Variants in SORT1 observed in about 807,000 individuals in gnomAD.
The protein encoded by SORT1 is sortilin 1.
A neutral mutation model predicts 101.7 loss-of-function variants in SORT1; 39 were observed. The observed-to-expected ratio is 0.38, with a 90% CI of 0.30 to 0.50. SORT1 has a LOEUF of 0.50. Ranked by LOEUF, SORT1 falls within the 20% of genes least tolerant of loss-of-function variation. The probability of loss-of-function intolerance (pLI) is 0.90; values close to 1 mark genes in which losing one functional copy is unlikely to be tolerated. For missense variants in SORT1, 878 were observed against 1,040.4 expected (o/e 0.84, Z 2.15); for synonymous variants, 396 against 393.7 (o/e 1.01, Z -0.07).
chr1:109,351,594 G>C (rs748217846), intron 5 of SORT1, among the ~76,000 whole-genome samples: 19 of 152,204 alleles, frequency 1.2e-4, no homozygotes, highest in Non-Finnish European at 2.6e-4. Flanking sequence ...CAAATTCCAA[G>C]GTAAGCAAAT....
At chr1:109,378,319 T>A (rs1301457200) in intron 1 of SORT1, among the ~76,000 whole-genome samples, 1 of 151,600 alleles carries the variant, frequency 6.6e-6, no homozygotes, top group African/African-American at 2.4e-5. Flanking sequence ...ATAAAAATAG[T>A]GAAAAGGAAA....
chr1:109,316,920 AC>A lies in SORT1; in HGVS notation c.2179del (p.Val727Ter). 1 of 1,611,120 alleles carries A rather than the reference AC, an allele frequency of 6.2e-7. No homozygotes were observed. The highest frequency in any genetic ancestry group is 1.1e-5 in the South Asian group (1 of 90,406). On this transcript the variant is annotated frameshift_variant, in exon 17 of 20. Transcript: ENST00000256637. LOFTEE classifies it high-confidence loss of function. ...KIPGDKCQGG[V>X]NPVREVKDLK... ...GTCTTTTACTTCTCGAACTGGATTT[AC>A]CCCACCCTGGCATTTGTCCCCTGGA...
chr1:109,330,003 T>C (rs1034761094), intron 11 of SORT1, among the ~76,000 whole-genome samples: 3 of 152,058 alleles, frequency 2.0e-5, no homozygotes, highest in African/African-American at 7.2e-5. Flanking sequence ...ACCTCAAGTA[T>C]CCTTTCTTTT....
At chr1:109,317,421 A>G (rs959815501) in intron 16 of SORT1, among the ~76,000 whole-genome samples, 4 of 152,240 alleles carry the variant, frequency 2.6e-5, no homozygotes, top group Admixed American at 6.5e-5. Flanking sequence ...GGGCACAGCA[A>G]ATTACAGAAC....
rs1553196001 is a variant in SORT1, at chr1:109,353,346, A to AAC, written c.708+1020_708+1021insGT. ...TCTGTCTCAAAAAAAAAAAAAAAAAAAAAAACAAAAGCAAAAAAAACATAA... is the reference window on the plus strand; with the variant it reads ...TCTGTCTCAAAAAAAAAAAAAAAAAAACAAAAACAAAAGCAAAAAAAACATAA... On this transcript the variant is annotated intron_variant, in intron 5 of 19. Transcript: ENST00000256637. Among the ~76,000 whole-genome samples the AAC allele has an allele frequency of 4.4e-3, 604 of 138,512 alleles. 8 individuals are homozygous for AAC. Among genetic ancestry groups the AAC allele is most frequent in the African/African-American group, 0.015 (568 of 37,432 alleles). 90.9% of individuals were successfully genotyped at this position (138,512 alleles called of 152,430 possible).
chr1:109,380,467 G>A (rs1652149381), intron 1 of SORT1, among the ~76,000 whole-genome samples: 1 of 151,842 alleles, frequency 6.6e-6, no homozygotes, highest in South Asian at 2.1e-4. Context: ...AAAAATATTT[G>A]TAACATGACA....
intron 8 of SORT1, among the ~76,000 whole-genome samples, chr1:109,344,035 C>T (rs1334304829): frequency 6.6e-6 from 1 of 152,204 alleles, no homozygotes; most frequent in Non-Finnish European, 1.5e-5. Context: ...CATTCAGGCG[C>T]TCAGGATACA....
intron 7 of SORT1, among the ~76,000 whole-genome samples, 156 bp from the exon 8 acceptor site, chr1:109,346,037 C>T (rs1018606698): frequency 1.3e-5 from 2 of 152,124 alleles, no homozygotes; most frequent in Admixed American, 6.5e-5. Flanking sequence ...AGCGGCCAGG[C>T]GCAGTGGCTC....
Position 109,316,879 on chromosome 1 carries a change from T to C in SORT1, c.2221A>G (p.Thr741Ala). 1.2e-6 allele frequency: 2 copies of C among 1,611,874 alleles called. No individual in the cohort carries two copies. The highest frequency in any genetic ancestry group is 1.1e-5 in the South Asian group (1 of 90,506). Residue 741 changes from threonine (T) to alanine (A), a missense_variant, in exon 17 of 20, where the codon ACA becomes GCA. Thr to Ala is a moderately conservative substitution (Grantham distance 58). Transcript: ENST00000256637. The stretch of plus-strand genomic sequence containing the variant: ...TTTTCCGGACTCAAAAAGTTGCTTG[T>C]GCATTTCTTTTTCAAGTCTTTTACT... ...REVKDLKKKC[T>A]SNFLSPEKQN...
rs1382417355 is a variant in SORT1 at position 109,367,410 on chromosome 1, T to G, written c.438A>C (p.Arg146=). 6.4e-7 allele frequency: 1 copy of G among 1,573,412 alleles called. No homozygotes were observed. Among genetic ancestry groups the G allele is most frequent in the African/African-American group, 1.4e-5 (1 of 73,954 alleles). Residue 146 remains arginine, a splice_region_variant and synonymous_variant, in exon 3 of 20, where the codon CGA becomes CGC. Transcript: ENST00000256637. ...CCAACGCGTGTTATTGATCTCACCT[T>G]CGATATAGCTTGGACTGTCCAAAAG... ...IMTFGQSKLY[R]SEDYGKNFKD...
chr1:109,376,986 A>G (rs376951277), intron 1 of SORT1, among the ~76,000 whole-genome samples: 3 of 152,158 alleles, frequency 2.0e-5, no homozygotes, highest in East Asian at 3.8e-4. Flanking sequence ...CAGGGGACAG[A>G]CTATACCAGT....
rs553202435 is a variant in SORT1, at chr1:109,381,194, T to C, written c.307-11605A>G. Among the ~76,000 whole-genome samples the C allele has an allele frequency of 3.9e-5, 6 of 152,316 alleles. No homozygotes were observed. In the South Asian group the frequency reaches 1.2e-3, roughly 32 times the overall value. On this transcript the variant is annotated intron_variant, in intron 1 of 19. Transcript: ENST00000256637. ...ATAAGGGGATAATCACATACCTTTA[T>C]AAAAGATGTCATATGTTGGGGTGAT...
rs137905852 is a variant in SORT1 at position 109,319,003 on chromosome 1, C to G, written c.2025-1034G>C. Among the ~76,000 whole-genome samples the G allele has an allele frequency of 3.2e-3, 488 of 152,256 alleles. 1 individual carries two copies. The highest frequency in any genetic ancestry group is 0.018 in the South Asian group (86 of 4,816). On this transcript the variant is annotated intron_variant, in intron 15 of 19. Coordinates refer to ENST00000256637, the MANE Select transcript of SORT1 (RefSeq NM_002959.7). ...ATATTGCCCAGCCTGATCTCAAACT[C>G]CTGAGCTCAAGAGATCCACCTGCCT...
Position 109,378,068 on chromosome 1 carries a change from C to T in SORT1, c.307-8479G>A, listed in dbSNP as rs1043372977. On this transcript the variant is annotated intron_variant, in intron 1 of 19. Coordinates refer to ENST00000256637, the MANE Select transcript of SORT1 (RefSeq NM_002959.7). The stretch of plus-strand genomic sequence containing the variant: ...CAATATAGTGAGACCCCGCCCCCAT[C>T]GCTACAAAAAGTTTAAAAATCAGCC... 4.6e-5 allele frequency among the ~76,000 whole-genome samples: 7 copies of T among 151,874 alleles called. No homozygotes were observed. In the East Asian group the frequency reaches 7.7e-4, roughly 17 times the overall value.
intron 3 of SORT1, among the ~76,000 whole-genome samples, chr1:109,360,504 T>C (rs1442846093): frequency 2.0e-5 from 3 of 151,256 alleles, no homozygotes; most frequent in Non-Finnish European, 4.4e-5. Context: ...AATTTTTTTT[T>C]TTTTTTTTTT....
intron 7 of SORT1, among the ~76,000 whole-genome samples, chr1:109,346,674 G>A (rs1649619554): frequency 6.6e-6 from 1 of 150,886 alleles, no homozygotes; most frequent in Admixed American, 6.6e-5. Context: ...AAACCCAGGA[G>A]GCGGAGCTTG....
chr1:109,347,057 T>C (rs1649655039), intron 7 of SORT1, among the ~76,000 whole-genome samples: 1 of 152,212 alleles, frequency 6.6e-6, no homozygotes, highest in Middle Eastern at 3.2e-3. Context: ...GAACAGTGTT[T>C]AGCATATGAG....
At chr1:109,316,989 G>T in intron 16 of SORT1, 31 bp from the exon 17 acceptor site, 1 of 1,395,300 alleles carries the variant, frequency 7.2e-7, no homozygotes, top group Non-Finnish European at 1.0e-6. Flanking sequence ...GGTAACAGAA[G>T]ATAAGGATGT....
intron 1 of SORT1, among the ~76,000 whole-genome samples, chr1:109,380,813 C>CAA (rs60568166): frequency 0.42 from 20,558 of 49,208 alleles, 7,232 homozygotes; most frequent in East Asian, 0.55. Context: ...CCTGTCGCCA[C>CAA]AAAAAAAAAA....
Sources: gnomAD v4.1 joint callset for allele counts (sites outside exome capture counted in the v4.1 genomes callset) on GRCh38, gnomAD v4.1.1 for gene constraint, MANE v1.5 for transcripts, NCBI Gene and HGNC (gene_info 2026-07-23, HGNC 2026-07-21) for gene names.